The following PUS10 variants were observed in gnomAD, a reference collection of about 807,000 sequenced individuals.
PUS10 encodes the protein tRNA pseudouridine synthase Pus10.
Under a neutral mutation model 75.0 loss-of-function variants are expected in PUS10, and 59 were observed. The observed-to-expected ratio is 0.79, with a 90% confidence interval of 0.64 to 0.98. PUS10 has a LOEUF of 0.98. Ranked by LOEUF, PUS10 falls within the 50% of genes least tolerant of loss-of-function variation. PUS10 has a pLI of 0.00. For synonymous variants in PUS10, 219 were observed against 211.6 expected (o/e 1.03, Z -0.30); for missense variants, 650 against 614.4 (o/e 1.06, Z -0.61).
At chr2:61,008,020 T>C (rs1326209149) in intron 3 of PUS10, among the ~76,000 whole-genome samples, 1 of 149,950 alleles carries the variant, frequency 6.7e-6, no homozygotes, top group Non-Finnish European at 1.5e-5. Context: ...GAGCTTACAG[T>C]GAGCAGAGAT....
At chr2:61,003,551 T>A (rs971073923) in intron 4 of PUS10, among the ~76,000 whole-genome samples, 1 of 151,702 alleles carries the variant, frequency 6.6e-6, no homozygotes, top group Non-Finnish European at 1.5e-5. Flanking sequence ...TTGCTTAATT[T>A]TTTTTTTTTT....
At chr2:60,989,607 T>A (rs1013864975) in intron 4 of PUS10, among the ~76,000 whole-genome samples, 4 of 152,052 alleles carry the variant, frequency 2.6e-5, no homozygotes, top group Non-Finnish European at 5.9e-5. Flanking sequence ...TCCCTCTTTA[T>A]TCACATATCT....
intron 9 of PUS10, among the ~76,000 whole-genome samples, 165 bp downstream of exon 9, chr2:60,962,661 C>T (rs965113529): frequency 6.6e-6 from 1 of 152,072 alleles, no homozygotes; most frequent in Non-Finnish European, 1.5e-5. Context: ...CTGAACACCA[C>T]ATATGCCAGG....
rs58574037 is a variant in PUS10 at position 60,979,394 on chromosome 2, A to G, written c.469-7837T>C. Among the ~76,000 whole-genome samples, 834 of 152,312 alleles carry G rather than the reference A, an allele frequency of 5.5e-3. 5 individuals carry two copies. The highest frequency in any genetic ancestry group is 0.018 in the African/African-American group (756 of 41,564). ...TGTGTCAGGGTTGTGGCAGCATGCTATAACCTTGAACATCTGCCTCTCCTT... is the reference window on the plus strand; with the variant it reads ...TGTGTCAGGGTTGTGGCAGCATGCTGTAACCTTGAACATCTGCCTCTCCTT... On this transcript the variant is annotated intron_variant, in intron 4 of 17. Coordinates refer to ENST00000316752, the MANE Select transcript of PUS10 (RefSeq NM_144709.4).
At chr2:60,953,881 CCTG>C (rs1675489775) in intron 14 of PUS10, 49 bp downstream of exon 14, 1 of 1,379,788 alleles carries the variant, frequency 7.2e-7, no homozygotes, top group Admixed American at 1.7e-5. Context: ...AGATATGTGA[CCTG>C]CAACTAAAAC....
intron 4 of PUS10, among the ~76,000 whole-genome samples, chr2:60,978,389 TCCAGC>T (rs1677173018): frequency 7.4e-6 from 1 of 135,146 alleles, no homozygotes; most frequent in East Asian, 2.1e-4. Flanking sequence ...ACCACTGTAC[TCCAGC>T]CTGGGCAACA....
At chr2:61,000,410 T>C (rs1678774807) in intron 4 of PUS10, among the ~76,000 whole-genome samples, 1 of 152,222 alleles carries the variant, frequency 6.6e-6, no homozygotes. Flanking sequence ...ATCACAAATT[T>C]AGTGGTTTAA....
At chr2:61,013,168 G>A (rs1245510273) in intron 1 of PUS10, among the ~76,000 whole-genome samples, 3 of 151,464 alleles carry the variant, frequency 2.0e-5, no homozygotes, top group African/African-American at 4.9e-5. Flanking sequence ...TGGGAGGATC[G>A]CTTGAACCCA....
At chr2:60,945,451 T>C (rs1296897279) in intron 16 of PUS10, among the ~76,000 whole-genome samples, 2 of 152,234 alleles carry the variant, frequency 1.3e-5, no homozygotes, top group African/African-American at 2.4e-5. Flanking sequence ...ACAATTTCTA[T>C]GTTATTATCT....
At chr2:60,945,335 C>A (rs1260873983) in intron 16 of PUS10, among the ~76,000 whole-genome samples, 4 of 152,194 alleles carry the variant, frequency 2.6e-5, no homozygotes, top group African/African-American at 9.6e-5. Context: ...TACCAAAAAT[C>A]ATTACTTTCT....
rs1674662656 is a variant in PUS10, at chr2:60,942,243, GT to G, written c.*151del. ...TATACACATATATAGATCCTGAGAT[GT>G]TACAACAAATTAACAATTATATAGA... On this transcript the variant is annotated 3_prime_UTR_variant, in exon 18 of 18. Coordinates refer to ENST00000316752, the MANE Select transcript of PUS10 (RefSeq NM_144709.4). The G allele has an allele frequency of 1.5e-6, 1 of 685,976 alleles. No individual in the cohort carries two copies. Among genetic ancestry groups the G allele is most frequent in the African/African-American group, 1.8e-5 (1 of 56,172 alleles). The allele number at this position is 685,976 out of a possible 1,614,324, so 42.5% of individuals were successfully genotyped here. A position where few individuals can be genotyped will look rare whatever the true frequency, so the allele number is the denominator to read the frequency against.
chr2:60,961,561 A>G lies in PUS10; in HGVS notation c.789-13T>C. The stretch of plus-strand genomic sequence containing the variant: ...ACAAGGAAACTGCCTGCAAAACAAA[A>G]TAAATTTTATAGCTATTTTCCAGAC... On this transcript the variant is annotated splice_polypyrimidine_tract_variant and intron_variant, in intron 9 of 17. Coordinates refer to ENST00000316752, the MANE Select transcript of PUS10 (RefSeq NM_144709.4). 6.3e-7 allele frequency: 1 copy of G among 1,598,136 alleles called. No homozygotes were observed. Among genetic ancestry groups the G allele is most frequent in the Non-Finnish European group, 8.6e-7 (1 of 1,165,512 alleles).
chr2:60,945,291 C>G (rs1480592103), intron 16 of PUS10, among the ~76,000 whole-genome samples, 183 bp from the exon 17 acceptor site: 1 of 152,196 alleles, frequency 6.6e-6, no homozygotes, highest in Non-Finnish European at 1.5e-5. Flanking sequence ...TGGCAGCCAA[C>G]ATCAGAGCCT....
At chr2:61,017,951 C>A (rs7602846) in intron 1 of PUS10, 57 bp downstream of exon 1, 13 of 1,378,348 alleles carry the variant, frequency 9.4e-6, no homozygotes, top group East Asian at 7.5e-5. Context: ...TCCCTTCCCC[C>A]CTTTAACCAA....
At chr2:60,995,632 T>C (rs79834923) in intron 4 of PUS10, among the ~76,000 whole-genome samples, 8 of 152,226 alleles carry the variant, frequency 5.3e-5, no homozygotes, top group Non-Finnish European at 8.8e-5. Context: ...AAAAATAGTT[T>C]AATAAAGATC....
intron 4 of PUS10, among the ~76,000 whole-genome samples, chr2:60,975,369 T>C (rs1451395033): frequency 1.1e-4 from 16 of 151,996 alleles, no homozygotes; most frequent in African/African-American, 1.2e-4. Flanking sequence ...ATGGTCTCAG[T>C]ATCTTGACCT....
At chr2:60,998,057 C>T (rs1013258181) in intron 4 of PUS10, among the ~76,000 whole-genome samples, 1 of 152,172 alleles carries the variant, frequency 6.6e-6, no homozygotes, top group Admixed American at 6.5e-5. Flanking sequence ...TGCCTGCACA[C>T]ACAATATATA....
rs1678730731 is a variant in PUS10, at chr2:60,999,813, T to C, written c.468+6744A>G. Among the ~76,000 whole-genome samples, 3 of 152,156 alleles carry C rather than the reference T, an allele frequency of 2.0e-5. No homozygotes were observed. The South Asian group carries it at 6.2e-4, about 32-fold the overall frequency. On this transcript the variant is annotated intron_variant, in intron 4 of 17. Transcript: ENST00000316752. ...TCAATCAACCCTGGATAGAAAACAT[T>C]TAGGGGGGAAAAAGGATCTGTACTG...
intron 4 of PUS10, among the ~76,000 whole-genome samples, chr2:60,980,319 C>T (rs762565678): frequency 1.4e-4 from 22 of 152,156 alleles, no homozygotes; most frequent in Non-Finnish European, 2.6e-4. Context: ...TTTTAGAGAG[C>T]CAGCATCTTC....
Sources: allele counts gnomAD v4.1 joint callset (sites outside exome capture counted in the v4.1 genomes callset), GRCh38; gene constraint gnomAD v4.1.1; transcripts MANE v1.5; gene names NCBI Gene and HGNC (gene_info 2026-07-23, HGNC 2026-07-21).